Variants in CFDP1 observed in about 807,000 individuals in gnomAD.
CFDP1 encodes heterochromatin-stabilizing protein CFDP1.
CFDP1 carries 31 observed loss-of-function variants against 40.1 expected under a neutral mutation model. The ratio of observed to expected loss-of-function variants is 0.77; its 90% CI spans 0.58 to 1.04. The LOEUF (loss-of-function observed/expected upper bound fraction) is 1.04. Among genes scored for constraint, CFDP1 ranks in the 50% least tolerant of loss-of-function variants. The pLI is 0.00. For synonymous variants in CFDP1, 167 were observed against 120.0 expected (o/e 1.39, Z -2.56); for missense variants, 423 against 343.4 (o/e 1.23, Z -1.83).
intron 5 of CFDP1, among the ~76,000 whole-genome samples, chr16:75,338,492 G>C (rs1393481581): frequency 2.6e-5 from 4 of 152,184 alleles, no homozygotes; most frequent in African/African-American, 9.7e-5. Context: ...TGGAGGACTG[G>C]ATTTCTGGTG....
chr16:75,371,320 T>C (rs2078749596), intron 5 of CFDP1, among the ~76,000 whole-genome samples: 1 of 148,112 alleles, frequency 6.8e-6, no homozygotes, highest in Non-Finnish European at 1.5e-5. Context: ...TTAAGTAATG[T>C]CAACATAATA....
At chr16:75,352,982 C>A (rs1341949481) in intron 5 of CFDP1, among the ~76,000 whole-genome samples, 1 of 152,156 alleles carries the variant, frequency 6.6e-6, no homozygotes, top group African/African-American at 2.4e-5. Context: ...AAGAAACACA[C>A]AGGACAGAGG....
intron 5 of CFDP1, among the ~76,000 whole-genome samples, chr16:75,365,990 T>G (rs970259884): frequency 6.6e-6 from 1 of 152,178 alleles, no homozygotes; most frequent in African/African-American, 2.4e-5. Flanking sequence ...TCCTTAAAAT[T>G]TCTTTGAAAA....
rs1555557207 is a variant in CFDP1, at chr16:75,349,684, A to ATATATAT, written c.651-44503_651-44502insATATATA. On this transcript the variant is annotated intron_variant, in intron 5 of 6. Transcript: ENST00000283882. ...AAAAAAAAAAAAAAAAAAAAAAAAA[A>ATATATAT]AAAAAAATATATATACATACATATA... Among the ~76,000 whole-genome samples, 5 of 8,280 alleles carry ATATATAT rather than the reference A, an allele frequency of 6.0e-4. 1 individual carries two copies. Among genetic ancestry groups the ATATATAT allele is most frequent in the East Asian group, 9.1e-3 (1 of 110 alleles). 5.4% of individuals were successfully genotyped at this position (8,280 alleles called of 152,430 possible).
At chr16:75,302,445 G>C (rs1182484639) in intron 6 of CFDP1, among the ~76,000 whole-genome samples, 2 of 152,122 alleles carry the variant, frequency 1.3e-5, no homozygotes, top group Non-Finnish European at 2.9e-5. Flanking sequence ...TTTTAGTAGA[G>C]GCAAGGTCTT....
chr16:75,354,231 C>T (rs1198082229), intron 5 of CFDP1, among the ~76,000 whole-genome samples: 3 of 152,180 alleles, frequency 2.0e-5, no homozygotes, highest in Non-Finnish European at 4.4e-5. Flanking sequence ...GAATTAAATG[C>T]ATTTTCAACG....
intron 5 of CFDP1, among the ~76,000 whole-genome samples, chr16:75,375,635 T>C (rs973197140): frequency 1.3e-5 from 2 of 151,672 alleles, no homozygotes; most frequent in Admixed American, 6.6e-5. Context: ...CCACAAAAAA[T>C]ACAAAAATTA....
chr16:75,337,667 C>T (rs553384964), intron 5 of CFDP1, among the ~76,000 whole-genome samples: 73 of 152,112 alleles, frequency 4.8e-4, no homozygotes, highest in African/African-American at 1.7e-3. Context: ...ACATGGGTGG[C>T]GCAGGAGGAA....
rs760549903 is a variant in CFDP1 at position 75,395,081 on chromosome 16, A to C, written c.650+9T>G. ...CAAGTACATCAGGGAGTGAGACTCA[A>C]ATACTCACCCTGACCCGGCAGGGAG... On this transcript the variant is annotated intron_variant, in intron 5 of 6. Transcript: ENST00000283882. 6 of 1,613,448 alleles carry C rather than the reference A, an allele frequency of 3.7e-6. No homozygotes were observed. The highest frequency in any genetic ancestry group is 1.1e-5 in the South Asian group (1 of 91,056).
intron 6 of CFDP1, among the ~76,000 whole-genome samples, chr16:75,301,159 G>A (rs563737908): frequency 5.9e-5 from 9 of 152,200 alleles, no homozygotes; most frequent in South Asian, 2.1e-4. Context: ...AAACATGCCC[G>A]GCCTTTCTTC....
intron 6 of CFDP1, among the ~76,000 whole-genome samples, chr16:75,296,521 A>G (rs2078183526): frequency 6.6e-6 from 1 of 152,218 alleles, no homozygotes; most frequent in Non-Finnish European, 1.5e-5. Flanking sequence ...GGTGAGAGCC[A>G]TCGGGCCCAG....
intron 5 of CFDP1, among the ~76,000 whole-genome samples, chr16:75,334,848 G>C (rs2078474587): frequency 6.6e-6 from 1 of 152,066 alleles, no homozygotes; most frequent in African/African-American, 2.4e-5. Flanking sequence ...CCCGCTACTT[G>C]GGAGGCTGAG....
rs1378264273 is a variant in CFDP1, at chr16:75,318,990, A to G, written c.651-13808T>C. 2.6e-5 allele frequency among the ~76,000 whole-genome samples: 4 copies of G among 152,208 alleles called. No individual in the cohort carries two copies. The East Asian group carries it at 7.7e-4, about 29-fold the overall frequency. On this transcript the variant is annotated intron_variant, in intron 5 of 6. Coordinates refer to ENST00000283882, the MANE Select transcript of CFDP1 (RefSeq NM_006324.3). ...CACATTAAGCACATAGCTTTAAATG[A>G]AACTCATAGGAGCCGAACACATTTT...
At chr16:75,430,662 C>T (rs1017151580) in intron 1 of CFDP1, among the ~76,000 whole-genome samples, 1 of 152,094 alleles carries the variant, frequency 6.6e-6, no homozygotes, top group African/African-American at 2.4e-5. Context: ...TGGGGTTACA[C>T]CACGTTGGCC....
chr16:75,426,317 T>G (rs1221266782), intron 1 of CFDP1, among the ~76,000 whole-genome samples: 2 of 151,852 alleles, frequency 1.3e-5, no homozygotes, highest in East Asian at 3.9e-4. Flanking sequence ...GACATTGCAC[T>G]CCAGCCTGGG....
At chr16:75,392,314 A>T (rs866356112) in intron 5 of CFDP1, among the ~76,000 whole-genome samples, 8 of 151,356 alleles carry the variant, frequency 5.3e-5, no homozygotes, top group African/African-American at 1.7e-4. Flanking sequence ...CTGACGCAGG[A>T]GAATGGCTTG....
chr16:75,420,105 T>A, intron 1 of CFDP1, among the ~76,000 whole-genome samples: 1 of 111,008 alleles, frequency 9.0e-6, no homozygotes, highest in East Asian at 2.9e-4. Context: ...AGTGAGACCT[T>A]CATCTCAAAA....
intron 5 of CFDP1, among the ~76,000 whole-genome samples, chr16:75,326,314 G>A (rs1414981442): frequency 1.3e-5 from 2 of 152,128 alleles, no homozygotes; most frequent in East Asian, 3.9e-4. Flanking sequence ...CAGGAGCAAC[G>A]CCTTAGTCCA....
intron 1 of CFDP1, among the ~76,000 whole-genome samples, chr16:75,418,039 A>G (rs1196043063): frequency 6.6e-6 from 1 of 151,932 alleles, no homozygotes; most frequent in African/African-American, 2.4e-5. Context: ...GTATCACCTG[A>G]GGCCAGGAGT....
Sources: gnomAD v4.1 joint callset for allele counts (sites outside exome capture counted in the v4.1 genomes callset) on GRCh38, gnomAD v4.1.1 for gene constraint, MANE v1.5 for transcripts, NCBI Gene and HGNC (gene_info 2026-07-23, HGNC 2026-07-21) for gene names.